CYP4F11: variants seen among roughly 807,000 people sequenced by gnomAD.
CYP4F11 encodes the protein cytochrome P450 4F11.
In CYP4F11, 79 loss-of-function variants were observed where a neutral mutation model predicts 62.2. That is an observed-to-expected ratio of 1.27 (90% CI 1.06 to 1.53). CYP4F11 has a LOEUF of 1.53. Ranked by LOEUF, CYP4F11 falls within the 40% of genes most tolerant of loss-of-function variation. The pLI, the probability that CYP4F11 is intolerant of heterozygous loss-of-function variation, is 0.00. For missense variants in CYP4F11, 777 were observed against 680.5 expected (o/e 1.14, Z -1.58); for synonymous variants, 290 against 263.7 (o/e 1.10, Z -0.97).
rs140019422 is a variant in CYP4F11, at chr19:15,931,084, G to T, written c.199-1483C>A. ...CGGAGTCAAGGACAGCTTCTGAAAA[G>T]AGAAGGGAGTGGCCAACTTTTATTC... is the stretch of plus-strand genomic sequence containing the variant. On this transcript the variant is annotated intron_variant, in intron 1 of 11. Transcript: ENST00000402119. Among the ~76,000 whole-genome samples the T allele has an allele frequency of 2.0e-3, 309 of 152,206 alleles. 5 individuals are homozygous for T. Among genetic ancestry groups the T allele is most frequent in the African/African-American group, 7.2e-3 (298 of 41,436 alleles).
chr19:15,934,247 G>A lies in CYP4F11; in HGVS notation c.162C>T (p.Pro54=). The part of the protein sequence containing the change: ...NCRRLQCFPQ[P]PKQNWFWGHQ... ...GTCCCCAAAACCAGTTCTGTTTCGG[G>A]GGTTGAGGAAAACACTGGAGGCGGC... The change falls in exon 1 of 12, where the codon CCC becomes CCT. Residue 54 remains proline (P), a synonymous_variant. Coordinates refer to ENST00000402119, the MANE Select transcript of CYP4F11 (RefSeq NM_021187.4). 1 of 1,613,818 alleles carries A rather than the reference G, an allele frequency of 6.2e-7. No homozygotes were observed. The highest frequency in any genetic ancestry group is 1.1e-5 in the South Asian group (1 of 91,070).
intron 8 of CYP4F11, among the ~76,000 whole-genome samples, chr19:15,915,431 A>C (rs549999249): frequency 1.3e-4 from 20 of 152,316 alleles, no homozygotes; most frequent in African/African-American, 4.6e-4. Flanking sequence ...TGTTTGCTTA[A>C]TCTTTCTTCT....
rs755979599 is a variant in CYP4F11 at position 15,914,425 on chromosome 19, ACCCAGTTGGGTGGGGTCT to A, written c.1315-56_1315-39del. ...CCAAGAAGGCTTGCTGGGTGGGGTC[ACCCAGTTGGGTGGGGTCT>A]CCCAGTTGTCTCCAAGACCCCCGGC... On this transcript the variant is annotated intron_variant, in intron 10 of 11. Coordinates refer to ENST00000402119, the MANE Select transcript of CYP4F11 (RefSeq NM_021187.4). 73 of 1,601,144 alleles carry A rather than the reference ACCCAGTTGGGTGGGGTCT, an allele frequency of 4.6e-5. No homozygotes were observed. The African/African-American group carries it at 9.0e-4, about 20-fold the overall frequency.
In CYP4F11 at chr19:15,914,606, G is replaced by C. The variant is rs751917884; in HGVS notation, c.1310C>G (p.Pro437Arg). 6.2e-7 allele frequency: 1 copy of C among 1,614,206 alleles called. No homozygotes were observed. Among genetic ancestry groups the C allele is most frequent in the East Asian group, 2.2e-5 (1 of 44,892 alleles). Residue 437 changes from proline to arginine, a missense_variant, in exon 10 of 12, where the codon CCT (proline) becomes CGT (arginine). Coordinates refer to ENST00000402119, the MANE Select transcript of CYP4F11 (RefSeq NM_021187.4). ...IHYNPTVWPD[P>R]EVYDPFRFDQ... is the part of the protein sequence containing the mutation. Reference sequence around the variant, plus strand: ...GTGGGGTGAGGGAGGCACTACCTCAGGGTCTGGCCACACAGTTGGGTTGTA... The same window carrying C: ...GTGGGGTGAGGGAGGCACTACCTCACGGTCTGGCCACACAGTTGGGTTGTA...
intron 8 of CYP4F11, 111 bp downstream of exon 8, chr19:15,921,926 T>C: frequency 1.5e-6 from 2 of 1,350,586 alleles, no homozygotes; most frequent in Admixed American, 5.7e-5. Context: ...TTTGCACCGA[T>C]TCCCACTAAG....
chr19:15,918,293 G>C lies in CYP4F11; in HGVS notation c.1116-3398C>G, dbSNP rs533633607. ...ACACTCTGGGGCCTGTCACAGGGAG[G>C]GGTTGGGGAGGTGAGAGCATCGGGA... On this transcript the variant is annotated intron_variant, in intron 8 of 11. Coordinates refer to ENST00000402119, the MANE Select transcript of CYP4F11 (RefSeq NM_021187.4). Among the ~76,000 whole-genome samples, 30 of 152,260 alleles carry C rather than the reference G, an allele frequency of 2.0e-4. No individual in the cohort carries two copies. The South Asian group carries it at 5.0e-3, about 25-fold the overall frequency.
chr19:15,919,457 C>T (rs988131242), intron 8 of CYP4F11, among the ~76,000 whole-genome samples: 4 of 122,100 alleles, frequency 3.3e-5, no homozygotes, highest in South Asian at 4.9e-4. Context: ...GATGGATGAA[C>T]GGATGGACAG....
intron 8 of CYP4F11, among the ~76,000 whole-genome samples, chr19:15,918,033 AC>A (rs1270314997): frequency 6.6e-6 from 1 of 152,228 alleles, no homozygotes; most frequent in Non-Finnish European, 1.5e-5. Flanking sequence ...CAAGGAATCA[AC>A]CCAAATGCCC....
At position 15,912,680 on chromosome 19, in the gene CYP4F11, A is replaced by AAAAAAATAT. The variant is rs59091525; in HGVS notation, c.*1051_*1052insATATTTTTT. 1.2e-4 allele frequency: 8 copies of AAAAAAATAT among 66,164 alleles called. 1 individual carries two copies. The highest frequency in any genetic ancestry group is 4.5e-4 in the African/African-American group (7 of 15,524). 4.1% of individuals were successfully genotyped at this position (66,164 alleles called of 1,614,324 possible). A position where few individuals can be genotyped will look rare whatever the true frequency, so the allele number is the denominator to read the frequency against. ...TCACCATCCTCAGGAAAAAAAAAAA[A>AAAAAAATAT]ATATATATATATATATATGTGTGTG... On this transcript the variant is annotated 3_prime_UTR_variant, in exon 12 of 12. Transcript: ENST00000402119.
intron 8 of CYP4F11, among the ~76,000 whole-genome samples, chr19:15,919,505 TAGATAGATAGATAGATAGAC>T (rs1229735061): frequency 5.6e-5 from 7 of 125,968 alleles, no homozygotes; most frequent in African/African-American, 2.0e-4. Flanking sequence ...GATAGATAGA[TAGATAGATAGATAGATAGAC>T]AGATAGATAA....
At chr19:15,925,180 A>G (rs2089659444) in intron 4 of CYP4F11, among the ~76,000 whole-genome samples, 1 of 152,184 alleles carries the variant, frequency 6.6e-6, no homozygotes, top group Admixed American at 6.5e-5. Flanking sequence ...CTTCAGTAAC[A>G]GTTAGGACAA....
chr19:15,931,525 C>CAGAGGAATGAGTGAGCAAGG (rs2089716262), intron 1 of CYP4F11, among the ~76,000 whole-genome samples: 1 of 138,008 alleles, frequency 7.2e-6, no homozygotes, highest in Non-Finnish European at 1.6e-5. Context: ...GATGGCACAT[C>CAGAGGAATGAGTGAGCAAGG]AGAGGAATGA....
Position 15,922,191 on chromosome 19 carries a change from G to A in CYP4F11, c.986-25C>T, listed in dbSNP as rs756548818. The A allele has an allele frequency of 1.9e-6, 3 of 1,604,146 alleles. No homozygotes were observed. In the South Asian group the frequency reaches 3.4e-5, roughly 18 times the overall value. On this transcript the variant is annotated intron_variant, in intron 7 of 11. Coordinates refer to ENST00000402119, the MANE Select transcript of CYP4F11 (RefSeq NM_021187.4). ...CCTGAGGGGCAGCCAAGCAAAACTG[G>A]GTTTCTGGGCTGCTTCAGCACCAGA...
intron 6 of CYP4F11, among the ~76,000 whole-genome samples, 153 bp from the exon 7 acceptor site, chr19:15,922,583 G>A (rs770980582): frequency 6.6e-6 from 1 of 152,094 alleles, no homozygotes; most frequent in African/African-American, 2.4e-5. Flanking sequence ...ACCACCATCA[G>A]AGCCCACCAC....
At chr19:15,926,175 G>T (rs2089667509) in intron 4 of CYP4F11, among the ~76,000 whole-genome samples, 1 of 136,722 alleles carries the variant, frequency 7.3e-6, no homozygotes, top group Non-Finnish European at 1.6e-5. Context: ...AAAAAAAAAA[G>T]AAAGCAGATT....
chr19:15,915,841 G>A (rs2089579804), intron 8 of CYP4F11, among the ~76,000 whole-genome samples: 1 of 150,556 alleles, frequency 6.6e-6, no homozygotes, highest in African/African-American at 2.4e-5. Context: ...ATAAGACATG[G>A]CAACCAGATT....
At chr19:15,921,076 CTCTCTCTCTCTCTCTCTCTCTCTCTCT>C (rs2089624293) in intron 8 of CYP4F11, among the ~76,000 whole-genome samples, 5 of 14,658 alleles carry the variant, frequency 3.4e-4, no homozygotes, top group Admixed American at 5.9e-4. Flanking sequence ...CTCTCTCTCT[CTCTCTCTCTCTCTCTCTCTCTCTCTCT>C]CCCTCTCTCT....
rs62104255 is a variant in CYP4F11 at position 15,933,885 on chromosome 19, A to G, written c.198+326T>C. Among the ~76,000 whole-genome samples, 164 of 4,554 alleles carry G rather than the reference A, an allele frequency of 0.036. 43 individuals carry two copies. In the East Asian group the frequency reaches 0.5, roughly 14 times the overall value. 3.0% of individuals were successfully genotyped at this position (4,554 alleles called of 152,430 possible). A position where few individuals can be genotyped will look rare whatever the true frequency, so the allele number is the denominator to read the frequency against. On this transcript the variant is annotated intron_variant, in intron 1 of 11. Transcript: ENST00000402119. The stretch of plus-strand genomic sequence containing the variant: ...GTGAGCAGAGGAATGAGTGAGCGAG[A>G]AGAGGAATGAGTGAGTGGGCAGAGG...
chr19:15,917,179 C>A (rs2089589721), intron 8 of CYP4F11, among the ~76,000 whole-genome samples: 1 of 152,098 alleles, frequency 6.6e-6, no homozygotes, highest in African/African-American at 2.4e-5. Flanking sequence ...GAATAAAAAA[C>A]CAAATATCAT....
Sources: gnomAD v4.1 joint callset for allele counts (sites outside exome capture counted in the v4.1 genomes callset) on GRCh38, gnomAD v4.1.1 for gene constraint, MANE v1.5 for transcripts, NCBI Gene and HGNC (gene_info 2026-07-23, HGNC 2026-07-21) for gene names.